Variants in HEATR3 observed in about 807,000 individuals in gnomAD.
HEATR3 encodes HEAT repeat-containing protein 3.
In HEATR3, 56 loss-of-function variants were observed where a neutral mutation model predicts 72.8. The observed-to-expected ratio is 0.77, with a 90% CI of 0.62 to 0.96. HEATR3 has a LOEUF of 0.96. Ranked by LOEUF, HEATR3 falls within the 40% of genes least tolerant of loss-of-function variation. The probability of loss-of-function intolerance (pLI) is 0.00; values close to 1 mark genes in which losing one functional copy is unlikely to be tolerated. For synonymous variants in HEATR3, 331 were observed against 318.1 expected, an observed-to-expected ratio of 1.04 and a Z score of -0.43; for missense variants, 747 against 831.4, an observed-to-expected ratio of 0.90 and a Z score of 1.25.
At chr16:50,091,873 CAAAAAAAA>C (rs1157532465) in intron 11 of HEATR3, among the ~76,000 whole-genome samples, 1 of 62,486 alleles carries the variant, frequency 1.6e-5, no homozygotes, top group African/African-American at 6.4e-5. Flanking sequence ...GACTCTGTCT[CAAAAAAAA>C]AAAAAAAAAA....
chr16:50,084,497 T>C lies in HEATR3; in HGVS notation c.1291-72T>C, dbSNP rs984268336. 2.5e-5 allele frequency: 30 copies of C among 1,215,674 alleles called. No homozygotes were observed. In the African/African-American group the frequency reaches 3.9e-4, roughly 16 times the overall value. The allele number at this position is 1,215,674 out of a possible 1,614,324, so 75.3% of individuals were successfully genotyped here. On this transcript the variant is annotated intron_variant, in intron 9 of 14. Coordinates refer to ENST00000299192, the MANE Select transcript of HEATR3 (RefSeq NM_182922.4). The stretch of plus-strand genomic sequence containing the variant: ...ACCATTTCACTTAGGAGTAATATGT[T>C]GGAATTATGTAAGGGAATCGTGTTA...
At chr16:50,072,462 T>C (rs1261416653) in intron 4 of HEATR3, 143 bp from the exon 5 acceptor site, 8 of 607,276 alleles carry the variant, frequency 1.3e-5, no homozygotes, top group East Asian at 5.6e-5. Context: ...TGGGTGTTAG[T>C]TCCTTCATCG....
At chr16:50,083,004 A>G (rs1449134661) in intron 7 of HEATR3, among the ~76,000 whole-genome samples, 2 of 152,116 alleles carry the variant, frequency 1.3e-5, no homozygotes, top group Non-Finnish European at 1.5e-5. Flanking sequence ...GCATGGTGGC[A>G]TGCACCTGTA....
intron 7 of HEATR3, among the ~76,000 whole-genome samples, chr16:50,081,395 A>C (rs2036862569): frequency 6.6e-6 from 1 of 152,242 alleles, no homozygotes; most frequent in Admixed American, 6.5e-5. Context: ...CAGTGAGTCA[A>C]GATCGCGCCA....
rs770899994 is a variant in HEATR3, at chr16:50,078,941, A to G, written c.964A>G (p.Ile322Val). 2 of 1,614,088 alleles carry G rather than the reference A, an allele frequency of 1.2e-6. No homozygotes were observed. Among genetic ancestry groups the G allele is most frequent in the Non-Finnish European group, 1.7e-6 (2 of 1,179,994 alleles). Residue 322 changes from isoleucine to valine, a missense_variant, in exon 7 of 15, where the codon ATT (isoleucine) becomes GTT (valine). By Grantham distance (29) the Ile-to-Val change is conservative (BLOSUM62 3). Transcript: ENST00000299192. The stretch of plus-strand genomic sequence containing the variant: ...AGAGAACACTAATGGGGATGATTTG[A>G]TTGAAGATGATGAAATGGAAGGAAT... ...ILENTNGDDL[I>V]EDDEMEGISH...
intron 6 of HEATR3, among the ~76,000 whole-genome samples, chr16:50,076,465 G>T (rs1455029840): frequency 6.6e-6 from 1 of 152,126 alleles, no homozygotes; most frequent in African/African-American, 2.4e-5. Flanking sequence ...TGGGATTACA[G>T]GTATGAGCCA....
Position 50,075,570 on chromosome 16 carries a change from G to A in HEATR3, c.623-1G>A. The stretch of plus-strand genomic sequence containing the variant: ...CTAAATACTTATTTTTTGCCTCGTA[G>A]CATATTGTTTGCAGACAGTGACTGA... On this transcript the variant is annotated splice_acceptor_variant, in intron 5 of 14. Coordinates refer to ENST00000299192, the MANE Select transcript of HEATR3 (RefSeq NM_182922.4). LOFTEE classifies it high-confidence loss of function. 6.2e-7 allele frequency: 1 copy of A among 1,610,580 alleles called. No homozygotes were observed. The highest frequency in any genetic ancestry group is 8.5e-7 in the Non-Finnish European group (1 of 1,177,368).
At chr16:50,085,816 G>A (rs1354758803) in intron 10 of HEATR3, among the ~76,000 whole-genome samples, 1 of 152,034 alleles carries the variant, frequency 6.6e-6, no homozygotes, top group Non-Finnish European at 1.5e-5. Context: ...GATTGTTTGA[G>A]GCCAAGAGTT....
In HEATR3 at chr16:50,086,299, A is replaced by G. The variant is rs1346736123; in HGVS notation, c.1458A>G (p.Ala486=). 6.3e-7 allele frequency: 1 copy of G among 1,592,054 alleles called. No individual in the cohort carries two copies. The highest frequency in any genetic ancestry group is 8.6e-7 in the Non-Finnish European group (1 of 1,168,608). ...ATGTGGAGCACCTGGGAGGAGCCGC[A>G]GCCCTTCAGACGCTTGCACAGCATC... is the stretch of plus-strand genomic sequence containing the variant. ...LLDVEHLGGA[A]ALQTLAQHLS... is the part of the protein sequence containing the mutation. Residue 486 remains alanine, a synonymous_variant, in exon 11 of 15, where the codon GCA becomes GCG. Transcript: ENST00000299192.
At chr16:50,094,296 G>A (rs907145370) in intron 11 of HEATR3, among the ~76,000 whole-genome samples, 2 of 152,228 alleles carry the variant, frequency 1.3e-5, no homozygotes, top group Non-Finnish European at 2.9e-5. Flanking sequence ...TAAGCAGTGG[G>A]CTTGGGTTGG....
intron 14 of HEATR3, among the ~76,000 whole-genome samples, chr16:50,104,458 G>A (rs1176262688): frequency 2.0e-5 from 3 of 152,042 alleles, no homozygotes; most frequent in Admixed American, 6.6e-5. Context: ...TTGAACTCCT[G>A]GACTCAAGCA....
intron 11 of HEATR3, among the ~76,000 whole-genome samples, chr16:50,091,829 G>A (rs936332173): frequency 2.8e-4 from 40 of 141,360 alleles, no homozygotes; most frequent in East Asian, 8.6e-4. Context: ...AGCCAAGATC[G>A]CACCACTGCA....
At chr16:50,080,340 A>C (rs987303005) in intron 7 of HEATR3, 2 of 148,398 alleles carry the variant, frequency 1.3e-5, no homozygotes, top group Non-Finnish European at 3.0e-5. Context: ...AGTTGCTCAC[A>C]GATTTTTTTT....
Position 50,105,350 on chromosome 16 carries a change from T to C in HEATR3, c.*289T>C. 2 of 308,324 alleles carry C rather than the reference T, an allele frequency of 6.5e-6. No homozygotes were observed. The highest frequency in any genetic ancestry group is 5.9e-5 in the South Asian group (2 of 33,764). The allele number at this position is 308,324 out of a possible 1,614,324, so 19.1% of individuals were successfully genotyped here. A position where few individuals can be genotyped will look rare whatever the true frequency, so the allele number is the denominator to read the frequency against. On this transcript the variant is annotated 3_prime_UTR_variant, in exon 15 of 15. Transcript: ENST00000299192. ...GGTGGCACATGCCTGTGATCCCAGC[T>C]ACTCGGGAGGCTGAGGGAGGAGAGT...
chr16:50,081,774 C>G (rs1055508304), intron 7 of HEATR3, among the ~76,000 whole-genome samples: 2 of 152,110 alleles, frequency 1.3e-5, no homozygotes, highest in Non-Finnish European at 2.9e-5. Context: ...CAGTTCAACC[C>G]AAGTTGGTTT....
chr16:50,101,106 C>CTTTTTTTTT (rs5816674), intron 13 of HEATR3, among the ~76,000 whole-genome samples: 13 of 144,342 alleles, frequency 9.0e-5, no homozygotes, highest in Admixed American at 1.4e-4. Context: ...ACTTGCAAAG[C>CTTTTTTTTT]TTTTTTTTTT....
At chr16:50,072,051 ATG>A (rs771749826) in intron 4 of HEATR3, among the ~76,000 whole-genome samples, 13 of 152,214 alleles carry the variant, frequency 8.5e-5, no homozygotes, top group Non-Finnish European at 1.8e-4. Context: ...TTTCCTTTAA[ATG>A]TGTGTTTTTG....
Position 50,066,241 on chromosome 16 carries a change from ACGG to A in HEATR3, c.111_113del (p.Asp37_Gly38delinsGlu), listed in dbSNP as rs1215122940. On this transcript the variant is annotated inframe_deletion, in exon 1 of 15. Transcript: ENST00000299192. ...AATGGGACCGGAGGCGAGGAGGACGACGGGCCGGCGGCGGAGCTGCTGGAAAAG... is the reference window on the plus strand; with the variant it reads ...AATGGGACCGGAGGCGAGGAGGACGAGCCGGCGGCGGAGCTGCTGGAAAAG... 1 of 1,566,938 alleles carries A rather than the reference ACGG, an allele frequency of 6.4e-7. No individual in the cohort carries two copies. The highest frequency in any genetic ancestry group is 1.9e-5 in the Admixed American group (1 of 53,096).
Position 50,068,857 on chromosome 16 carries a change from T to A in HEATR3, c.389T>A (p.Leu130Gln). 1 of 1,612,888 alleles carries A rather than the reference T, an allele frequency of 6.2e-7. No homozygotes were observed. Among genetic ancestry groups the A allele is most frequent in the East Asian group, 2.2e-5 (1 of 44,858 alleles). ...GATATCATGACCCCTCTGGTTGCGC[T>A]GCTAAAAGAGGTATGCAGTTTTTAC... is the stretch of plus-strand genomic sequence containing the variant. ...TKDIMTPLVA[L>Q]LKECSAGLDS... is the part of the protein sequence containing the mutation. The change falls in exon 3 of 15, where the codon CTG (leucine) becomes CAG (glutamine). Residue 130 changes from leucine to glutamine, a missense_variant. By Grantham distance (113) the Leu-to-Gln change is moderately radical (BLOSUM62 -2). Coordinates refer to ENST00000299192, the MANE Select transcript of HEATR3 (RefSeq NM_182922.4).
Sources: gnomAD v4.1 joint callset for allele counts (sites outside exome capture counted in the v4.1 genomes callset) on GRCh38, gnomAD v4.1.1 for gene constraint, MANE v1.5 for transcripts, NCBI Gene and HGNC (gene_info 2026-07-23, HGNC 2026-07-21) for gene names.